NAGS: variants seen among roughly 807,000 people sequenced by gnomAD.
The protein encoded by NAGS is N-acetylglutamate synthase, mitochondrial.
In NAGS, 34 loss-of-function variants were observed where a neutral mutation model predicts 46.9. The observed-to-expected ratio is 0.72, with a 90% confidence interval of 0.55 to 0.97. The LOEUF (loss-of-function observed/expected upper bound fraction) is 0.97. NAGS is among the 50% of genes least tolerant of loss of function. The pLI, the probability that NAGS is intolerant of heterozygous loss-of-function variation, is 0.00. For synonymous variants in NAGS, 334 were observed against 346.3 expected (o/e 0.96, Z 0.39); for missense variants, 665 against 747.0 (o/e 0.89, Z 1.28).
In NAGS at chr17:44,008,638, G is replaced by A; in HGVS notation, c.*37G>A. ...GACACTACAGGCCCTGGAATGGCCA[G>A]GGTGGACCAAAAGCCATGCCAGCTG... On this transcript the variant is annotated 3_prime_UTR_variant, in exon 7 of 7. Transcript: ENST00000293404. 6.2e-7 allele frequency: 1 copy of A among 1,612,308 alleles called. No homozygotes were observed. The highest frequency in any genetic ancestry group is 8.5e-7 in the Non-Finnish European group (1 of 1,179,602).
Position 44,007,649 on chromosome 17 carries a change from G to T in NAGS, c.1327G>T (p.Asp443Tyr). The change falls in exon 6 of 7, where the codon GAC (aspartate) becomes TAC (tyrosine). Residue 443 changes from aspartate to tyrosine, a missense_variant. Transcript: ENST00000293404. The surrounding 1 kb of genome is among the most constrained non-coding windows in gnomAD (Gnocchi z 5.1). ...CGTCCTGGGGGGCACCCCGTACCTG[G>T]ACAAATTTGTGGTGAGCTCCAGCCG... is the stretch of plus-strand genomic sequence containing the variant. The part of the protein sequence containing the change: ...EPVLGGTPYL[D>Y]KFVVSSSRQG... The T allele has an allele frequency of 1.2e-6, 2 of 1,603,098 alleles. No homozygotes were observed. Among genetic ancestry groups the T allele is most frequent in the Non-Finnish European group, 1.7e-6 (2 of 1,174,800 alleles).
At position 44,005,173 on chromosome 17, in the gene NAGS, T is replaced by A; in HGVS notation, c.426+84T>A. ...TGTCCTCAGGCATGGCAGGATACGC[T>A]GCGGGCTCTGCGCAGCGGAAGCGGG... On this transcript the variant is annotated intron_variant, in intron 1 of 6. Coordinates refer to ENST00000293404, the MANE Select transcript of NAGS (RefSeq NM_153006.3). This position sits in a 1 kb window ranked among gnomAD's most constrained non-coding sequence, Gnocchi z 7.2. The A allele has an allele frequency of 6.7e-7, 1 of 1,484,480 alleles. No homozygotes were observed. The highest frequency in any genetic ancestry group is 1.4e-5 in the African/African-American group (1 of 72,000). 92.0% of individuals were successfully genotyped at this position (1,484,480 alleles called of 1,614,324 possible). A position where few individuals can be genotyped will look rare whatever the true frequency, so the allele number is the denominator to read the frequency against.
In NAGS at chr17:44,005,997, C is replaced by T. The variant is rs1452641671; in HGVS notation, c.702-27C>T. The T allele has an allele frequency of 6.3e-7, 1 of 1,576,758 alleles. No individual in the cohort carries two copies. Among genetic ancestry groups the T allele is most frequent in the Admixed American group, 1.8e-5 (1 of 55,256 alleles). ...CCGTCCGGCAGGCCTGGAGGGGGCCCTCTCGAGCACCACGTCTGGCCCACA... is the reference window on the plus strand; with the variant it reads ...CCGTCCGGCAGGCCTGGAGGGGGCCTTCTCGAGCACCACGTCTGGCCCACA... On this transcript the variant is annotated intron_variant, in intron 2 of 6. Transcript: ENST00000293404. This position sits in a 1 kb window ranked among gnomAD's most constrained non-coding sequence, Gnocchi z 7.2.
At position 44,007,856 on chromosome 17, in the gene NAGS, G is replaced by A; in HGVS notation, c.1451+83G>A. On this transcript the variant is annotated intron_variant, in intron 6 of 6. Transcript: ENST00000293404. This position sits in a 1 kb window ranked among gnomAD's most constrained non-coding sequence, Gnocchi z 5.1. ...CCTTGCCAACCATGCCAAGAAGGCT[G>A]GGCTTCCTCTTCTTCCACTGGTCTC... 1 of 1,415,098 alleles carries A rather than the reference G, an allele frequency of 7.1e-7. No individual in the cohort carries two copies. The highest frequency in any genetic ancestry group is 1.4e-5 in the African/African-American group (1 of 70,458). The allele number at this position is 1,415,098 out of a possible 1,614,324, so 87.7% of individuals were successfully genotyped here. A position where few individuals can be genotyped will look rare whatever the true frequency, so the allele number is the denominator to read the frequency against.
In NAGS at chr17:44,004,659, T is replaced by C. The variant is rs1488543983; in HGVS notation, c.-5T>C. On this transcript the variant is annotated 5_prime_UTR_variant, in exon 1 of 7. Transcript: ENST00000293404. ...ACTCTTGGGGGGCAAGAGTTGGTTGTCGTCATGGCGACGGCGCTGATGGCT... is the reference window on the plus strand; with the variant it reads ...ACTCTTGGGGGGCAAGAGTTGGTTGCCGTCATGGCGACGGCGCTGATGGCT... 1 of 1,520,632 alleles carries C rather than the reference T, an allele frequency of 6.6e-7. No individual in the cohort carries two copies. The highest frequency in any genetic ancestry group is 8.8e-7 in the Non-Finnish European group (1 of 1,131,844). The allele number at this position is 1,520,632 out of a possible 1,614,324, so 94.2% of individuals were successfully genotyped here. A position where few individuals can be genotyped will look rare whatever the true frequency, so the allele number is the denominator to read the frequency against.
chr17:44,007,302 C>G lies in NAGS; in HGVS notation c.1097-21C>G. The G allele has an allele frequency of 1.2e-6, 2 of 1,612,814 alleles. No individual in the cohort carries two copies. Among genetic ancestry groups the G allele is most frequent in the Non-Finnish European group, 8.5e-7 (1 of 1,179,498 alleles). ...GCAAACGGCCCTCCAGCCAGACTAG[C>G]CCCTCCCCATCCTCCTCCAGGGTCC... On this transcript the variant is annotated intron_variant, in intron 4 of 6. Transcript: ENST00000293404. This position sits in a 1 kb window ranked among gnomAD's most constrained non-coding sequence, Gnocchi z 5.1.
Position 44,004,667 on chromosome 17 carries a change from G to A in NAGS, c.4G>A (p.Ala2Thr). The A allele has an allele frequency of 6.5e-7, 1 of 1,531,356 alleles. No individual in the cohort carries two copies. The highest frequency in any genetic ancestry group is 8.8e-7 in the Non-Finnish European group (1 of 1,136,842). The allele number at this position is 1,531,356 out of a possible 1,614,324, so 94.9% of individuals were successfully genotyped here. A position where few individuals can be genotyped will look rare whatever the true frequency, so the allele number is the denominator to read the frequency against. Residue 2 changes from alanine to threonine, a missense_variant, in exon 1 of 7, where the codon GCG (alanine) becomes ACG (threonine). Coordinates refer to ENST00000293404, the MANE Select transcript of NAGS (RefSeq NM_153006.3). Reference protein sequence around the residue: MATALMAVVLRA... With the variant: MTTALMAVVLRA... ...GGGGCAAGAGTTGGTTGTCGTCATG[G>A]CGACGGCGCTGATGGCTGTGGTTCT...
At chr17:44,008,421 T>C (rs754676699) in intron 6 of NAGS, 27 bp from the exon 7 acceptor site, 20 of 1,613,984 alleles carry the variant, frequency 1.2e-5, no homozygotes, top group Non-Finnish European at 1.6e-5. Flanking sequence ...CTAAAAACTG[T>C]TTCCTACATC....
In NAGS at chr17:44,004,722, G is replaced by C; in HGVS notation, c.59G>C (p.Arg20Thr). The C allele has an allele frequency of 2.0e-6, 3 of 1,491,158 alleles. No homozygotes were observed. Among genetic ancestry groups the C allele is most frequent in the Non-Finnish European group, 2.7e-6 (3 of 1,119,554 alleles). 92.4% of individuals were successfully genotyped at this position (1,491,158 alleles called of 1,614,324 possible). Residue 20 changes from arginine to threonine, a missense_variant, in exon 1 of 7, where the codon AGA becomes ACA. Coordinates refer to ENST00000293404, the MANE Select transcript of NAGS (RefSeq NM_153006.3). ...GCAGCTGCTGTAGCCCCGAGGCTGAGAGGCCGGGGAGGCACTGGGGGCGCC... is the reference window on the plus strand; with the variant it reads ...GCAGCTGCTGTAGCCCCGAGGCTGACAGGCCGGGGAGGCACTGGGGGCGCC... ...LRAAAVAPRL[R>T]GRGGTGGARR...
Position 44,005,039 on chromosome 17 carries a change from C to G in NAGS, c.376C>G (p.Gln126Glu). 1 of 1,569,446 alleles carries G rather than the reference C, an allele frequency of 6.4e-7. No individual in the cohort carries two copies. The highest frequency in any genetic ancestry group is 8.6e-7 in the Non-Finnish European group (1 of 1,162,636). The change falls in exon 1 of 7, where the codon CAG becomes GAG. Residue 126 changes from glutamine to glutamate, a missense_variant. Transcript: ENST00000293404. This position sits in a 1 kb window ranked among gnomAD's most constrained non-coding sequence, Gnocchi z 7.2. ...TGGGGAGGCGCGCCACTGGCTCACG[C>G]AGTTCCAGACCTGCCATCACTCCGC... ...SPGEARHWLTQFQTCHHSADK... is the reference protein window; with the variant it reads ...SPGEARHWLTEFQTCHHSADK...
At position 44,007,939 on chromosome 17, in the gene NAGS, A is replaced by C. The variant is rs565594990; in HGVS notation, c.1451+166A>C. 6.6e-6 allele frequency among the ~76,000 whole-genome samples: 1 copy of C among 152,260 alleles called. No homozygotes were observed. Among genetic ancestry groups the C allele is most frequent in the South Asian group, 2.1e-4 (1 of 4,826 alleles). On this transcript the variant is annotated intron_variant, in intron 6 of 6. Coordinates refer to ENST00000293404, the MANE Select transcript of NAGS (RefSeq NM_153006.3). The surrounding 1 kb of genome is among the most constrained non-coding windows in gnomAD (Gnocchi z 5.1). The stretch of plus-strand genomic sequence containing the variant: ...GAAAGCCTGAGATTTCCCGAGTTAA[A>C]GCATGCTTAACACTCCTTTTCTGGC...
chr17:44,004,637 C>T lies in NAGS; in HGVS notation c.-27C>T. On this transcript the variant is annotated 5_prime_UTR_variant, in exon 1 of 7. Coordinates refer to ENST00000293404, the MANE Select transcript of NAGS (RefSeq NM_153006.3). ...CAGACGCTCCAGACAGACTGCCACT[C>T]TTGGGGGGCAAGAGTTGGTTGTCGT... is the stretch of plus-strand genomic sequence containing the variant. 1.3e-6 allele frequency: 2 copies of T among 1,502,776 alleles called. No individual in the cohort carries two copies. Among genetic ancestry groups the T allele is most frequent in the Non-Finnish European group, 1.8e-6 (2 of 1,123,722 alleles). The allele number at this position is 1,502,776 out of a possible 1,614,324, so 93.1% of individuals were successfully genotyped here.
chr17:44,005,673 T>G lies in NAGS; in HGVS notation c.463T>G (p.Ser155Ala). The change falls in exon 2 of 7, where the codon TCC becomes GCC. Residue 155 changes from serine to alanine, a missense_variant. Coordinates refer to ENST00000293404, the MANE Select transcript of NAGS (RefSeq NM_153006.3). The surrounding 1 kb of genome is among the most constrained non-coding windows in gnomAD (Gnocchi z 7.2). Reference sequence around the variant, plus strand: ...GGTGCTCAAGTGCCAGCAGGGCGTATCCAGTCTGGCCTTTGCCCTGGCCTT... The same window carrying G: ...GGTGCTCAAGTGCCAGCAGGGCGTAGCCAGTCTGGCCTTTGCCCTGGCCTT... ...EEVLKCQQGV[S>A]SLAFALAFLQ... The G allele has an allele frequency of 6.2e-7, 1 of 1,610,534 alleles. No homozygotes were observed. The highest frequency in any genetic ancestry group is 8.5e-7 in the Non-Finnish European group (1 of 1,178,674).
Position 44,007,111 on chromosome 17 carries a change from A to C in NAGS, c.1097-212A>C. 1.6e-6 allele frequency: 1 copy of C among 608,304 alleles called. No individual in the cohort carries two copies. The highest frequency in any genetic ancestry group is 2.9e-6 in the Non-Finnish European group (1 of 347,242). The allele number at this position is 608,304 out of a possible 1,614,324, so 37.7% of individuals were successfully genotyped here. ...ACGGAAGTGGGTGGGGCTCCAGGCG[A>C]CAGGAGGAACTTGGGGCACAATCTC... On this transcript the variant is annotated intron_variant, in intron 4 of 6. Transcript: ENST00000293404. This position sits in a 1 kb window ranked among gnomAD's most constrained non-coding sequence, Gnocchi z 5.1.
rs1486448454 is a variant in NAGS at position 44,007,801 on chromosome 17, C to T, written c.1451+28C>T. ...AGGTCCTGCCACTCCCAGCTCTGGG[C>T]TGGGCCCTGACTTCCCTCCCCTCTC... is the stretch of plus-strand genomic sequence containing the variant. On this transcript the variant is annotated intron_variant, in intron 6 of 6. Transcript: ENST00000293404. The surrounding 1 kb of genome is among the most constrained non-coding windows in gnomAD (Gnocchi z 5.1). The T allele has an allele frequency of 7.7e-6, 12 of 1,566,534 alleles. No individual in the cohort carries two copies. The highest frequency in any genetic ancestry group is 1.0e-5 in the Non-Finnish European group (12 of 1,154,086).
Position 44,006,676 on chromosome 17 carries a change from A to G in NAGS, c.1063A>G (p.Ser355Gly). 1.2e-6 allele frequency: 2 copies of G among 1,611,456 alleles called. No homozygotes were observed. The highest frequency in any genetic ancestry group is 1.7e-4 in the Middle Eastern group (1 of 5,818). Residue 355 changes from serine to glycine, a missense_variant, in exon 4 of 7, where the codon AGC becomes GGC. By Grantham distance (56) the Ser-to-Gly change is moderately conservative. Transcript: ENST00000293404. The surrounding 1 kb of genome is among the most constrained non-coding windows in gnomAD (Gnocchi z 4.8). ...HHSSAVITAA[S>G]TLLTELFSNK... The stretch of plus-strand genomic sequence containing the variant: ...CTCCTCGGCCGTCATCACCGCCGCT[A>G]GCACGCTGCTCACTGAGCTCTTTAG...
In NAGS at chr17:44,006,321, A is replaced by G; in HGVS notation, c.915+84A>G. The G allele has an allele frequency of 6.5e-7, 1 of 1,532,918 alleles. No individual in the cohort carries two copies. Among genetic ancestry groups the G allele is most frequent in the Non-Finnish European group, 8.9e-7 (1 of 1,126,298 alleles). 95.0% of individuals were successfully genotyped at this position (1,532,918 alleles called of 1,614,324 possible). On this transcript the variant is annotated intron_variant, in intron 3 of 6. Coordinates refer to ENST00000293404, the MANE Select transcript of NAGS (RefSeq NM_153006.3). This position sits in a 1 kb window ranked among gnomAD's most constrained non-coding sequence, Gnocchi z 4.8. ...CTCGCACTTCTCCCCGACGGGCCGC[A>G]GACTCACTAGCAAGCCGGGTGGGTA...
chr17:44,004,833 A>AGCCCCC lies in NAGS; in HGVS notation c.175_180dup (p.Pro59_Pro60dup), dbSNP rs1206853375. The AGCCCCC allele has an allele frequency of 6.7e-7, 1 of 1,503,324 alleles. No individual in the cohort carries two copies. Among genetic ancestry groups the AGCCCCC allele is most frequent in the East Asian group, 2.6e-5 (1 of 38,412 alleles). The allele number at this position is 1,503,324 out of a possible 1,614,324, so 93.1% of individuals were successfully genotyped here. A position where few individuals can be genotyped will look rare whatever the true frequency, so the allele number is the denominator to read the frequency against. On this transcript the variant is annotated inframe_insertion, in exon 1 of 7. Transcript: ENST00000293404. Reference sequence around the variant, plus strand: ...CTCAGCACCGCCTGGTCGCAGCCCCAGCCCCCGCCCGAGGAGTACGCGGGC... The same window carrying AGCCCCC: ...CTCAGCACCGCCTGGTCGCAGCCCCAGCCCCCGCCCCCGCCCGAGGAGTACGCGGGC...
In NAGS at chr17:44,008,865, A is replaced by C; in HGVS notation, c.*264A>C. On this transcript the variant is annotated 3_prime_UTR_variant, in exon 7 of 7. Coordinates refer to ENST00000293404, the MANE Select transcript of NAGS (RefSeq NM_153006.3). Reference sequence around the variant, plus strand: ...GCCTTCGATTTTCAACCTGGGGATTAGGGGAGGGGAGGGTGCCTTCCAGGG... The same window carrying C: ...GCCTTCGATTTTCAACCTGGGGATTCGGGGAGGGGAGGGTGCCTTCCAGGG... The C allele has an allele frequency of 1.8e-6, 1 of 543,750 alleles. No homozygotes were observed. The highest frequency in any genetic ancestry group is 2.0e-5 in the South Asian group (1 of 50,230). The allele number at this position is 543,750 out of a possible 1,614,324, so 33.7% of individuals were successfully genotyped here. A position where few individuals can be genotyped will look rare whatever the true frequency, so the allele number is the denominator to read the frequency against.
Sources: gnomAD v4.1 joint callset for allele counts (sites outside exome capture counted in the v4.1 genomes callset) on GRCh38, gnomAD v4.1.1 for gene constraint, Gnocchi (gnomAD v3.1) non-coding constraint, MANE v1.5 for transcripts, NCBI Gene and HGNC (gene_info 2026-07-23, HGNC 2026-07-21) for gene names.